Variants in POLR2F observed in about 807,000 individuals in gnomAD.
The protein encoded by POLR2F is DNA-directed RNA polymerases I, II, and III subunit RPABC2.
A neutral mutation model predicts 22.7 loss-of-function variants in POLR2F; 12 were observed. That is an observed-to-expected ratio of 0.53 (90% confidence interval 0.34 to 0.86). The LOEUF is 0.86. Among genes scored for constraint, POLR2F ranks in the 40% least tolerant of loss-of-function variants. The pLI is 0.02. For synonymous variants in POLR2F, 57 were observed against 66.0 expected (o/e 0.86, Z 0.66); for missense variants, 126 against 171.5 (o/e 0.73, Z 1.48).
At chr22:38,026,265 C>T (rs2085009326) in intron 2 of POLR2F, 2 of 533,270 alleles carry the variant, frequency 3.8e-6, no homozygotes, top group Non-Finnish European at 3.8e-6. Context: ...CTCTTTCCCT[C>T]CTGCCCAGGG....
chr22:38,035,926 G>A (rs1017720463), intron 5 of POLR2F, among the ~76,000 whole-genome samples: 1 of 152,086 alleles, frequency 6.6e-6, no homozygotes, highest in African/African-American at 2.4e-5. Context: ...TGAGGCCCTG[G>A]GAGGCCAGGA....
intron 1 of POLR2F, among the ~76,000 whole-genome samples, chr22:38,009,364 G>A (rs2084852090): frequency 6.6e-6 from 1 of 152,222 alleles, no homozygotes; most frequent in African/African-American, 2.4e-5. Flanking sequence ...CAGGAAGGAG[G>A]CCCCTGAGGT....
In POLR2F at chr22:37,953,737, G is replaced by A. The variant is rs1330216264; in HGVS notation, c.-51G>A. 1.9e-6 allele frequency: 3 copies of A among 1,592,264 alleles called. No individual in the cohort carries two copies. The highest frequency in any genetic ancestry group is 2.6e-6 in the Non-Finnish European group (3 of 1,173,434). On this transcript the variant is annotated 5_prime_UTR_variant, in exon 1 of 5. Transcript: ENST00000442738. Reference sequence around the variant, plus strand: ...CGCGAGTCGTAGTGTCGCTGTTTGCGGGTCTCCGCGCGGGACCGGGGCGCA... The same window carrying A: ...CGCGAGTCGTAGTGTCGCTGTTTGCAGGTCTCCGCGCGGGACCGGGGCGCA...
chr22:38,019,731 G>T (rs965734186), intron 1 of POLR2F, among the ~76,000 whole-genome samples: 5 of 152,220 alleles, frequency 3.3e-5, no homozygotes, highest in African/African-American at 1.2e-4. Context: ...AGTCTAGTGG[G>T]GCTGGGCATG....
chr22:37,955,788 T>C (rs1251883379), intron 1 of POLR2F, among the ~76,000 whole-genome samples: 1 of 151,736 alleles, frequency 6.6e-6, no homozygotes, highest in African/African-American at 2.4e-5. Flanking sequence ...GTTCAAGCAA[T>C]TCTTGTGCCT....
intron 3 of POLR2F, among the ~76,000 whole-genome samples, chr22:37,964,989 T>C (rs1931797578): frequency 6.6e-6 from 1 of 152,186 alleles, no homozygotes; most frequent in Non-Finnish European, 1.5e-5. Context: ...TGTAAGCTCT[T>C]GTACAGCCAT....
rs555971290 is a variant in POLR2F, at chr22:38,017,722, G to A, written c.121-8147G>A. 3.9e-5 allele frequency among the ~76,000 whole-genome samples: 6 copies of A among 152,108 alleles called. No homozygotes were observed. Among genetic ancestry groups the A allele is most frequent in the African/African-American group, 7.2e-5 (3 of 41,398 alleles). The stretch of plus-strand genomic sequence containing the variant: ...TGTAGCACCAGCCAAGAAGTCACCC[G>A]CCCCCGCTGGCACAGCTCCAGTGAC... On this transcript the variant is annotated intron_variant, in intron 1 of 2. Coordinates refer to the POLR2F transcript ENST00000333418. The surrounding 1 kb of genome is among the most constrained non-coding windows in gnomAD (Gnocchi z 4.1).
upstream of POLR2F, chr22:37,985,294 C>T (rs1290481182): frequency 1.3e-5 from 2 of 152,180 alleles, no homozygotes; most frequent in South Asian, 2.1e-4. Context: ...TGGGACCCAG[C>T]TCCTTCCACA....
exon 3 of POLR2F, chr22:38,026,543 C>G (rs2085012077): frequency 2.9e-6 from 1 of 341,420 alleles, no homozygotes; most frequent in East Asian, 7.8e-5. Flanking sequence ...CCCCTCTTTC[C>G]CCACCGCCTC....
intron 1 of POLR2F, among the ~76,000 whole-genome samples, chr22:38,001,998 A>G (rs961977826): frequency 1.3e-5 from 2 of 151,018 alleles, no homozygotes; most frequent in Non-Finnish European, 3.0e-5. Flanking sequence ...TGTATTTTGT[A>G]AAAATACGAA....
In POLR2F at chr22:38,016,844, A is replaced by G. The variant is rs2084920100; in HGVS notation, c.121-9025A>G. On this transcript the variant is annotated intron_variant, in intron 1 of 2. Coordinates refer to the POLR2F transcript ENST00000333418. This position sits in a 1 kb window ranked among gnomAD's most constrained non-coding sequence, Gnocchi z 4.4. ...GAGAGAGAGAGAAGGAAAAAAAAAA[A>G]GATACAAGCTGGGGAGGGAAGAGGA... Among the ~76,000 whole-genome samples the G allele has an allele frequency of 6.6e-6, 1 of 151,306 alleles. No homozygotes were observed. Among genetic ancestry groups the G allele is most frequent in the African/African-American group, 2.4e-5 (1 of 41,246 alleles).
chr22:38,026,198 C>T, intron 2 of POLR2F: 1 of 532,556 alleles, frequency 1.9e-6, no homozygotes, highest in Non-Finnish European at 3.9e-6. Flanking sequence ...CTTGTCCATC[C>T]TCCTGAGCAC....
rs1158933709 is a variant in POLR2F, at chr22:37,974,986, C to G, written c.293+7816C>G. ...TTTCCAACCCTTCCCTCCTCCTGAG[C>G]CCACCCTGCTTCCCAGCCCACTGGC... On this transcript the variant is annotated intron_variant, in intron 4 of 4. Transcript: ENST00000405557. This position sits in a 1 kb window ranked among gnomAD's most constrained non-coding sequence, Gnocchi z 5.4. 6.6e-6 allele frequency among the ~76,000 whole-genome samples: 1 copy of G among 152,208 alleles called. No individual in the cohort carries two copies. Among genetic ancestry groups the G allele is most frequent in the Non-Finnish European group, 1.5e-5 (1 of 68,038 alleles).
chr22:38,004,805 G>A (rs2084805960), intron 1 of POLR2F, among the ~76,000 whole-genome samples: 1 of 152,114 alleles, frequency 6.6e-6, no homozygotes, highest in Non-Finnish European at 1.5e-5. Context: ...TTAGCCTGGT[G>A]TTGTGGCGCA....
At chr22:38,027,769 TG>T (rs545972681), downstream of POLR2F, among the ~76,000 whole-genome samples, 65 of 152,294 alleles carry the variant, frequency 4.3e-4, no homozygotes, top group East Asian at 3.7e-3. Context: ...AACTCCTCGG[TG>T]TCTTCCCCAG....
At chr22:37,955,552 A>AT (rs1931358174) in intron 1 of POLR2F, among the ~76,000 whole-genome samples, 1 of 151,596 alleles carries the variant, frequency 6.6e-6, no homozygotes, top group Non-Finnish European at 1.5e-5. Context: ...AAAAAAAAAA[A>AT]TGCTGATGGG....
chr22:37,976,068 C>T (rs1932210780), intron 4 of POLR2F, among the ~76,000 whole-genome samples: 1 of 152,010 alleles, frequency 6.6e-6, no homozygotes, highest in Admixed American at 6.6e-5. Context: ...ACTAAAAATA[C>T]AATAATTAGC....
At position 37,956,831 on chromosome 22, in the gene POLR2F, A is replaced by C. The variant is rs1174509237; in HGVS notation, c.79A>C (p.Asn27His). Residue 27 changes from asparagine to histidine, a missense_variant, in exon 2 of 5, where the codon AAT becomes CAT. Physicochemically the swap from Asn to His is moderately conservative, Grantham distance 68 (BLOSUM62 1). Coordinates refer to ENST00000442738, the MANE Select transcript of POLR2F (RefSeq NM_021974.5). ...EEDEGLDDLE[N>H]AEEEGQENVE... ...GGATGAAGGGCTAGATGACTTGGAGAATGCCGAAGAGGTCAGTATTCAGCC... is the reference window on the plus strand; with the variant it reads ...GGATGAAGGGCTAGATGACTTGGAGCATGCCGAAGAGGTCAGTATTCAGCC... 5 of 1,613,636 alleles carry C rather than the reference A, an allele frequency of 3.1e-6. No homozygotes were observed. Among genetic ancestry groups the C allele is most frequent in the Non-Finnish European group, 4.2e-6 (5 of 1,179,626 alleles).
chr22:38,012,280 C>T (rs992149758), intron 1 of POLR2F, among the ~76,000 whole-genome samples: 2 of 152,062 alleles, frequency 1.3e-5, no homozygotes, highest in Non-Finnish European at 2.9e-5. Flanking sequence ...GAGGGTTTTG[C>T]CATATTGGCC....
Sources: gnomAD v4.1 joint callset for allele counts (sites outside exome capture counted in the v4.1 genomes callset) on GRCh38, gnomAD v4.1.1 for gene constraint, Gnocchi (gnomAD v3.1) non-coding constraint, MANE v1.5 for transcripts, NCBI Gene and HGNC (gene_info 2026-07-23, HGNC 2026-07-21) for gene names.